FNDC1: variants seen among roughly 807,000 people sequenced by gnomAD.
FNDC1 encodes the protein fibronectin type III domain containing 1, also known as fibronectin type III domain-containing protein 1.
FNDC1 carries 96 observed loss-of-function variants against 168.0 expected under a neutral mutation model. That is an observed-to-expected ratio of 0.57 (90% CI 0.48 to 0.68). The LOEUF is 0.68. Among genes scored for constraint, FNDC1 ranks in the 30% least tolerant of loss-of-function variants. FNDC1 has a pLI of 0.00. For missense variants in FNDC1, 2,587 were observed against 2,482.1 expected (o/e 1.04, Z -0.90); for synonymous variants, 1,099 against 1,025.9 (o/e 1.07, Z -1.36).
At chr6:159,198,023 C>T (rs425591) in intron 2 of FNDC1, among the ~76,000 whole-genome samples, 72,289 of 152,034 alleles carry the variant, frequency 0.48, 19,357 homozygotes, top group African/African-American at 0.73. Context: ...AAGTCGTATG[C>T]CCCTGGAGAT....
intron 1 of FNDC1, among the ~76,000 whole-genome samples, chr6:159,184,480 A>G (rs553747603): frequency 1.3e-5 from 2 of 152,182 alleles, no homozygotes; most frequent in Non-Finnish European, 2.9e-5. Flanking sequence ...ATTATCTGAA[A>G]TGTTTTAAAA....
At chr6:159,223,841 T>A (rs1562643693) in intron 7 of FNDC1, among the ~76,000 whole-genome samples, 196 bp downstream of exon 7, 2 of 152,214 alleles carry the variant, frequency 1.3e-5, no homozygotes, top group Non-Finnish European at 2.9e-5. Flanking sequence ...ACAAATCAGA[T>A]GTTAGCAGGG....
At chr6:159,185,460 C>T (rs1296814372) in intron 1 of FNDC1, among the ~76,000 whole-genome samples, 1 of 152,282 alleles carries the variant, frequency 6.6e-6, no homozygotes, top group East Asian at 1.9e-4. Context: ...TTAACAGTGG[C>T]TAAACAAGTA....
At chr6:159,257,307 G>A (rs552123393) in intron 18 of FNDC1, among the ~76,000 whole-genome samples, 2 of 152,304 alleles carry the variant, frequency 1.3e-5, no homozygotes, top group African/African-American at 4.8e-5. Context: ...GTCAAGAGTG[G>A]TGTGCTGGTA....
At chr6:159,179,712 G>A (rs1031544243) in intron 1 of FNDC1, among the ~76,000 whole-genome samples, 1 of 152,194 alleles carries the variant, frequency 6.6e-6, no homozygotes, top group Non-Finnish European at 1.5e-5. Flanking sequence ...CTCCACGAGG[G>A]CAGGACATTG....
At chr6:159,269,486 CTATCTATCT>C (rs1562316023) in intron 22 of FNDC1, among the ~76,000 whole-genome samples, 111 of 142,720 alleles carry the variant, frequency 7.8e-4, no homozygotes, top group Middle Eastern at 3.5e-3. Flanking sequence ...ATCTATCTAT[CTATCTATCT>C]ATCTATCCAT....
At chr6:159,177,771 G>A (rs1010622008) in intron 1 of FNDC1, among the ~76,000 whole-genome samples, 1 of 152,156 alleles carries the variant, frequency 6.6e-6, no homozygotes, top group Non-Finnish European at 1.5e-5. Flanking sequence ...AAGCTCAGGA[G>A]TGCCCTTCAC....
intron 4 of FNDC1, among the ~76,000 whole-genome samples, chr6:159,206,142 G>C (rs189438910): frequency 6.6e-6 from 1 of 152,258 alleles, no homozygotes; most frequent in Non-Finnish European, 1.5e-5. Flanking sequence ...CAAAGCAAGG[G>C]CTCCACCAGA....
chr6:159,246,801 C>T (rs1777145727), intron 14 of FNDC1, 100 bp from the exon 15 acceptor site: 2 of 800,748 alleles, frequency 2.5e-6, no homozygotes, highest in South Asian at 1.5e-5. Context: ...TTTTCATGAC[C>T]TGCTTGAGGT....
chr6:159,178,043 C>G (rs1781801726), intron 1 of FNDC1, among the ~76,000 whole-genome samples: 1 of 152,124 alleles, frequency 6.6e-6, no homozygotes, highest in African/African-American at 2.4e-5. Flanking sequence ...GCTAAAACCC[C>G]TGACAAACAG....
At chr6:159,220,221 G>T (rs1292592125) in intron 5 of FNDC1, among the ~76,000 whole-genome samples, 1 of 152,192 alleles carries the variant, frequency 6.6e-6, no homozygotes, top group Non-Finnish European at 1.5e-5. Context: ...CCCTCTGTGT[G>T]AGAATTTTGA....
intron 1 of FNDC1, among the ~76,000 whole-genome samples, chr6:159,185,421 G>A (rs1467158796): frequency 6.6e-6 from 1 of 152,164 alleles, no homozygotes; most frequent in East Asian, 1.9e-4. Flanking sequence ...GGTAGCAGTG[G>A]GTTGGGCTGC....
At chr6:159,227,025 TG>T (rs1782968616) in intron 9 of FNDC1, among the ~76,000 whole-genome samples, 1 of 152,202 alleles carries the variant, frequency 6.6e-6, no homozygotes, top group Admixed American at 6.5e-5. Context: ...GAAAATGGAT[TG>T]ATTCCCTATT....
intron 9 of FNDC1, among the ~76,000 whole-genome samples, chr6:159,227,727 A>G (rs986008147): frequency 1.3e-4 from 19 of 151,588 alleles, no homozygotes; most frequent in Admixed American, 9.8e-4. Context: ...AGGGGTGTAC[A>G]ATCTTTTGGC....
At chr6:159,170,228 A>T (rs916055313) in intron 1 of FNDC1, among the ~76,000 whole-genome samples, 1 of 151,836 alleles carries the variant, frequency 6.6e-6, no homozygotes, top group Non-Finnish European at 1.5e-5. Context: ...TCCAGAGGAG[A>T]AGCGCTCCAG....
intron 4 of FNDC1, among the ~76,000 whole-genome samples, chr6:159,202,359 G>A (rs913308801): frequency 2.6e-5 from 4 of 152,192 alleles, no homozygotes; most frequent in African/African-American, 9.7e-5. Context: ...TGATCACCAT[G>A]TATCTATACC....
In FNDC1 at chr6:159,256,527, C is replaced by T. The variant is rs1329768839; in HGVS notation, c.5070C>T (p.Tyr1690=). 1.2e-6 allele frequency: 2 copies of T among 1,610,968 alleles called. No individual in the cohort carries two copies. Among genetic ancestry groups the T allele is most frequent in the South Asian group, 2.2e-5 (2 of 90,476 alleles). Residue 1690 remains tyrosine, a synonymous_variant, in exon 18 of 23, where the codon TAC becomes TAT. Coordinates refer to ENST00000297267, the MANE Select transcript of FNDC1 (RefSeq NM_032532.3). ...TTTTCCTGTTTCCATTTTCAGGTTA[C>T]TTGGTTTACAGTGCATCCTATGAAG... ...KATPGDVVTG[Y]LVYSASYEDF...
At chr6:159,270,577 C>G (rs1777723077) in intron 22 of FNDC1, among the ~76,000 whole-genome samples, 1 of 152,136 alleles carries the variant, frequency 6.6e-6, no homozygotes, top group East Asian at 1.9e-4. Flanking sequence ...GGGCAGGCAG[C>G]TATTTATTTG....
At position 159,233,061 on chromosome 6, in the gene FNDC1, A is replaced by G; in HGVS notation, c.2549A>G (p.Gln850Arg). ...GPRLQPSSSP[Q>R]STVPSRAHPR... ...CGGCTGCAGCCCTCCAGCTCCCCAC[A>G]GTCGACTGTGCCCTCCCGAGCCCAC... The change falls in exon 11 of 23, where the codon CAG becomes CGG. Residue 850 changes from glutamine (Q) to arginine (R), a missense_variant. Physicochemically the swap from Gln to Arg is conservative, Grantham distance 43. Coordinates refer to ENST00000297267, the MANE Select transcript of FNDC1 (RefSeq NM_032532.3). This position sits in a 1 kb window ranked among gnomAD's most constrained non-coding sequence, Gnocchi z 4.6. The G allele has an allele frequency of 6.2e-7, 1 of 1,609,794 alleles. No individual in the cohort carries two copies. Among genetic ancestry groups the G allele is most frequent in the South Asian group, 1.1e-5 (1 of 89,898 alleles).
Sources: allele counts gnomAD v4.1 joint callset (sites outside exome capture counted in the v4.1 genomes callset), GRCh38; gene constraint gnomAD v4.1.1; non-coding constraint Gnocchi (gnomAD v3.1); transcripts MANE v1.5; gene names NCBI Gene and HGNC (gene_info 2026-07-23, HGNC 2026-07-21).